The following FSHR variants were observed in gnomAD, a reference collection of about 807,000 sequenced individuals.
FSHR encodes the protein follicle stimulating hormone receptor.
In FSHR, 46 loss-of-function variants were observed where a neutral mutation model predicts 52.1. The ratio of observed to expected loss-of-function variants is 0.88; its 90% confidence interval spans 0.70 to 1.13. The LOEUF is 1.13. Among genes scored for constraint, FSHR ranks in the 50% most tolerant of loss-of-function variants. The pLI is 0.00. For synonymous variants in FSHR, 399 were observed against 309.6 expected (o/e 1.29, Z -3.03); for missense variants, 964 against 834.6 (o/e 1.16, Z -1.91).
At chr2:49,041,004 C>G (rs948861138) in intron 2 of FSHR, among the ~76,000 whole-genome samples, 3 of 152,106 alleles carry the variant, frequency 2.0e-5, no homozygotes, top group African/African-American at 7.2e-5. Flanking sequence ...GTCTATGATA[C>G]TATTACCTGA....
intron 6 of FSHR, among the ~76,000 whole-genome samples, chr2:48,984,021 C>T (rs1675376103): frequency 6.6e-6 from 1 of 152,148 alleles, no homozygotes. Flanking sequence ...CCTCTGACTA[C>T]CTGCTCTTGT....
At chr2:49,104,706 G>A (rs896461322) in intron 1 of FSHR, among the ~76,000 whole-genome samples, 1 of 152,120 alleles carries the variant, frequency 6.6e-6, no homozygotes, top group South Asian at 2.1e-4. Context: ...TCAGCTGGGT[G>A]TTGTTTTTTG....
chr2:49,106,872 T>C (rs1478414031), intron 1 of FSHR, among the ~76,000 whole-genome samples: 1 of 152,174 alleles, frequency 6.6e-6, no homozygotes, highest in Non-Finnish European at 1.5e-5. Flanking sequence ...TCTCTGCAGC[T>C]CTGTGGGGTC....
intron 1 of FSHR, among the ~76,000 whole-genome samples, chr2:49,079,934 G>A (rs2349710): frequency 8.6e-5 from 13 of 151,968 alleles, no homozygotes; most frequent in Middle Eastern, 3.4e-3. Context: ...ATGTGTAAGC[G>A]TTAGACTGGA....
At chr2:49,006,900 T>G (rs1012931832) in intron 4 of FSHR, among the ~76,000 whole-genome samples, 1 of 152,128 alleles carries the variant, frequency 6.6e-6, no homozygotes, top group African/African-American at 2.4e-5. Context: ...CATAGCACCA[T>G]CACCACCTGA....
At chr2:49,125,424 A>C (rs1671962275) in intron 1 of FSHR, among the ~76,000 whole-genome samples, 1 of 152,214 alleles carries the variant, frequency 6.6e-6, no homozygotes, top group Non-Finnish European at 1.5e-5. Context: ...TGTGAGCTGC[A>C]GGTTGAACAC....
intron 4 of FSHR, among the ~76,000 whole-genome samples, chr2:49,014,479 C>G (rs1318665215): frequency 6.6e-6 from 1 of 152,092 alleles, no homozygotes. Flanking sequence ...TTCCTCTGTT[C>G]TCCCTCTCTC....
chr2:49,059,298 A>G (rs965382176), intron 2 of FSHR, among the ~76,000 whole-genome samples: 2 of 152,306 alleles, frequency 1.3e-5, no homozygotes, highest in Admixed American at 6.5e-5. Context: ...GAACCACAAA[A>G]CATCCTGCAT....
chr2:48,987,183 ATTATTT>A (rs1675550572), intron 6 of FSHR, among the ~76,000 whole-genome samples: 1 of 151,534 alleles, frequency 6.6e-6, no homozygotes, highest in African/African-American at 2.4e-5. Context: ...TCTTTGTATT[ATTATTT>A]TTATTTATTT....
In FSHR at chr2:48,962,988, C is replaced by T. The variant is rs777491270; in HGVS notation, c.1833G>A (p.Leu611=). 12 of 1,613,970 alleles carry T rather than the reference C, an allele frequency of 7.4e-6. No individual in the cohort carries two copies. The highest frequency in any genetic ancestry group is 4.0e-5 in the African/African-American group (3 of 74,882). The change falls in exon 10 of 10, where the codon CTG becomes CTA. Residue 611 remains leucine (L), a synonymous_variant. Coordinates refer to ENST00000406846, the MANE Select transcript of FSHR (RefSeq NM_000145.4). ...AGGAGTTGATGGGGTGAAACAGAAC[C>T]AGCAGAATCTTTGCTTTGGACACAG... ...LITVSKAKIL[L]VLFHPINSCA...
intron 6 of FSHR, among the ~76,000 whole-genome samples, chr2:48,983,446 T>C (rs1290525807): frequency 6.6e-6 from 1 of 152,248 alleles, no homozygotes; most frequent in Non-Finnish European, 1.5e-5. Context: ...GCCTGGATTC[T>C]ATAACTGTAA....
chr2:49,139,710 G>C (rs1672610085), intron 1 of FSHR, among the ~76,000 whole-genome samples: 1 of 150,662 alleles, frequency 6.6e-6, no homozygotes, highest in African/African-American at 2.5e-5. Context: ...CCATTCTCCT[G>C]CCTCAGCCTC....
chr2:49,013,497 T>TAAATATATATATATATATAA (rs1270296746), intron 4 of FSHR, among the ~76,000 whole-genome samples: 2 of 66,560 alleles, frequency 3.0e-5, no homozygotes, highest in African/African-American at 7.3e-5. Context: ...TATATATATA[T>TAAATATATATATATATATAA]ATAAATATAT....
At chr2:49,120,933 C>A (rs1671796644) in intron 1 of FSHR, among the ~76,000 whole-genome samples, 3 of 152,118 alleles carry the variant, frequency 2.0e-5, no homozygotes, top group Non-Finnish European at 2.9e-5. Flanking sequence ...TTGTGATATA[C>A]CAGGAGAACA....
intron 1 of FSHR, among the ~76,000 whole-genome samples, chr2:49,138,698 G>A (rs2103830189): frequency 6.6e-6 from 1 of 152,320 alleles, no homozygotes; most frequent in South Asian, 2.1e-4. Context: ...GGGATGAATG[G>A]AGGATGATAG....
At chr2:49,140,138 G>A (rs908140082) in intron 1 of FSHR, among the ~76,000 whole-genome samples, 2 of 151,998 alleles carry the variant, frequency 1.3e-5, no homozygotes, top group South Asian at 2.1e-4. Flanking sequence ...CACACCCAAC[G>A]CTCATGTTAA....
At chr2:49,103,791 A>G (rs1671121583) in intron 1 of FSHR, among the ~76,000 whole-genome samples, 3 of 152,170 alleles carry the variant, frequency 2.0e-5, no homozygotes, top group Non-Finnish European at 2.9e-5. Context: ...GGGATAAGAA[A>G]GACTACAGTC....
intron 4 of FSHR, among the ~76,000 whole-genome samples, chr2:49,009,456 A>G (rs1176615276): frequency 1.3e-5 from 2 of 149,440 alleles, no homozygotes; most frequent in African/African-American, 4.9e-5. Flanking sequence ...GAAGTCAGGT[A>G]GTGTGATGCC....
At chr2:49,021,388 G>A (rs1667690852) in intron 2 of FSHR, among the ~76,000 whole-genome samples, 1 of 152,146 alleles carries the variant, frequency 6.6e-6, no homozygotes, top group South Asian at 2.1e-4. Flanking sequence ...GGCCTCCTGA[G>A]GAAGACTCTT....
Sources: gnomAD v4.1 joint callset for allele counts (sites outside exome capture counted in the v4.1 genomes callset) on GRCh38, gnomAD v4.1.1 for gene constraint, MANE v1.5 for transcripts, NCBI Gene and HGNC (gene_info 2026-07-23, HGNC 2026-07-21) for gene names.